Variants in CUX1 observed in about 807,000 individuals in gnomAD.
CUX1 encodes cut like homeobox 1.
A neutral mutation model predicts 158.8 loss-of-function variants in CUX1; 31 were observed. The ratio of observed to expected loss-of-function variants is 0.20; its 90% CI spans 0.15 to 0.26. The LOEUF is 0.26. Among genes scored for constraint, CUX1 ranks in the 10% least tolerant of loss-of-function variants. CUX1 has a pLI of 1.00. For synonymous variants in CUX1, 879 were observed against 862.1 expected, an observed-to-expected ratio of 1.02 and a Z score of -0.34; for missense variants, 1,589 against 2,014.6, an observed-to-expected ratio of 0.79 and a Z score of 4.04.
At chr7:102,085,664 G>A (rs1462628393) in intron 4 of CUX1, among the ~76,000 whole-genome samples, 2 of 152,180 alleles carry the variant, frequency 1.3e-5, no homozygotes. Context: ...ACCCAGTCTA[G>A]GGTATGTCTT....
At position 102,257,777 on chromosome 7, in the gene CUX1, GCAC is replaced by G; in HGVS notation, c.*8738_*8740del. On this transcript the variant is annotated 3_prime_UTR_variant, in exon 24 of 24. Coordinates refer to ENST00000292535, the MANE Select transcript of CUX1 (RefSeq NM_181552.4). ...AGCAGTATTTTATATTTTCTGTAACGCACCAAGTCTTAGATCTTTCTAGAGCTT... is the reference window on the plus strand; with the variant it reads ...AGCAGTATTTTATATTTTCTGTAACGCAAGTCTTAGATCTTTCTAGAGCTT... 1 of 983,154 alleles carries G rather than the reference GCAC, an allele frequency of 1.0e-6. No individual in the cohort carries two copies. Among genetic ancestry groups the G allele is most frequent in the Non-Finnish European group, 1.2e-6 (1 of 829,678 alleles). 60.9% of individuals were successfully genotyped at this position (983,154 alleles called of 1,614,324 possible). A position where few individuals can be genotyped will look rare whatever the true frequency, so the allele number is the denominator to read the frequency against.
chr7:102,046,856 C>A (rs1219152727), intron 3 of CUX1, among the ~76,000 whole-genome samples: 1 of 152,116 alleles, frequency 6.6e-6, no homozygotes, highest in Non-Finnish European at 1.5e-5. Context: ...GTTGGGATTA[C>A]AGGCATGAGC....
chr7:102,062,950 C>A (rs745926045), intron 3 of CUX1, among the ~76,000 whole-genome samples: 3 of 151,996 alleles, frequency 2.0e-5, no homozygotes, highest in Non-Finnish European at 1.5e-5. Flanking sequence ...ATTAAAAATA[C>A]GAAAATTAGC....
intron 14 of CUX1, among the ~76,000 whole-genome samples, chr7:102,265,472 C>G (rs11973435): frequency 0.03 from 4,623 of 152,096 alleles, 257 homozygotes; most frequent in African/African-American, 0.11. Flanking sequence ...GGGTCTCACT[C>G]TGTTGCCCAG....
upstream of CUX1, chr7:101,817,568 C>A (rs1744166001): frequency 2.0e-6 from 3 of 1,477,398 alleles, no homozygotes; most frequent in Non-Finnish European, 2.7e-6. This position sits in a 1 kb window ranked among gnomAD's most constrained non-coding sequence, Gnocchi z 4.1. Flanking sequence ...GCGGCGCACC[C>A]TTAGGGTCCG....
In CUX1 at chr7:102,202,402, C is replaced by T. The variant is rs149428330; in HGVS notation, c.2907+198C>T. ...GATCCCATTTGCCGAGCCCCGACTG[C>T]AGCCAGGTTCTAGGCTCAGCCTTTC... On this transcript the variant is annotated intron_variant, in intron 18 of 23. Transcript: ENST00000292535. Among the ~76,000 whole-genome samples the T allele has an allele frequency of 1.7e-3, 265 of 152,344 alleles. 1 individual carries two copies. The highest frequency in any genetic ancestry group is 5.8e-3 in the African/African-American group (242 of 41,584).
At chr7:102,278,628 T>TTAAAATAAAATAAAA (rs55743678) in intron 18 of CUX1, among the ~76,000 whole-genome samples, 2 of 101,668 alleles carry the variant, frequency 2.0e-5, no homozygotes, top group African/African-American at 3.7e-5. Context: ...TAAAATAAAA[T>TTAAAATAAAATAAAA]TAAAATAAAA....
chr7:101,974,408 G>A (rs1182948782), intron 2 of CUX1, among the ~76,000 whole-genome samples: 1 of 152,130 alleles, frequency 6.6e-6, no homozygotes, highest in Admixed American at 6.5e-5. Context: ...AAGTTCTTAT[G>A]AAATGTGAAG....
intron 1 of CUX1, among the ~76,000 whole-genome samples, chr7:101,820,180 G>GA (rs1264749763): frequency 1.3e-5 from 2 of 152,182 alleles, no homozygotes; most frequent in Non-Finnish European, 2.9e-5. Flanking sequence ...TCTTAGGAGA[G>GA]AACACAAGAC....
At chr7:102,271,597 CA>C (rs1198147663) in intron 14 of CUX1, among the ~76,000 whole-genome samples, 1 of 152,238 alleles carries the variant, frequency 6.6e-6, no homozygotes, top group Non-Finnish European at 1.5e-5. Flanking sequence ...GGGCCAGCCC[CA>C]ACCCTGCCCC....
Position 102,170,503 on chromosome 7 carries a change from A to C in CUX1, c.781A>C (p.Asn261His). ...CTTAAGGGAACAGCTCTCATCGGCC[A>C]ATCACTCCCTCCAGCTGGCCTCACA... ...ETLREQLSSA[N>H]HSLQLASQIQ... is the part of the protein sequence containing the mutation. The change falls in exon 10 of 24, where the codon AAT (asparagine) becomes CAT (histidine). Residue 261 changes from asparagine to histidine, a missense_variant. Asn to His is a moderately conservative substitution (Grantham distance 68, BLOSUM62 1). Around this residue, in one of 8 missense-constraint regions of CUX1, gnomAD observed 515 missense variants for 574.4 expected, o/e 0.90. Coordinates refer to ENST00000292535, the MANE Select transcript of CUX1 (RefSeq NM_181552.4). 1 of 1,593,110 alleles carries C rather than the reference A, an allele frequency of 6.3e-7. No individual in the cohort carries two copies. Among genetic ancestry groups the C allele is most frequent in the Non-Finnish European group, 8.6e-7 (1 of 1,169,422 alleles).
At position 102,195,563 on chromosome 7, in the gene CUX1, C is replaced by T. The variant is rs782107534; in HGVS notation, c.1182C>T (p.Ser394=). The part of the protein sequence containing the change: ...LLLEKNRSLQ[S]ENAALRISNS... ...TGGAGAAGAACCGCTCGCTGCAGTC[C>T]GAGAACGCCGCGCTGCGCATCTCCA... Residue 394 remains serine, a synonymous_variant, in exon 14 of 24, where the codon TCC becomes TCT. Coordinates refer to ENST00000292535, the MANE Select transcript of CUX1 (RefSeq NM_181552.4). The T allele has an allele frequency of 1.2e-6, 2 of 1,612,882 alleles. No individual in the cohort carries two copies. Among genetic ancestry groups the T allele is most frequent in the East Asian group, 2.2e-5 (1 of 44,866 alleles).
intron 1 of CUX1, among the ~76,000 whole-genome samples, chr7:101,911,270 T>C: frequency 6.6e-6 from 1 of 152,264 alleles, no homozygotes; most frequent in Non-Finnish European, 1.5e-5. Context: ...GGCCTTGGCC[T>C]TGGTCCTGCC....
At chr7:102,130,726 C>G (rs1302168037) in intron 8 of CUX1, among the ~76,000 whole-genome samples, 3 of 152,046 alleles carry the variant, frequency 2.0e-5, no homozygotes, top group African/African-American at 7.2e-5. Context: ...ATCCAAATAG[C>G]CTGAAGCACA....
intron 3 of CUX1, among the ~76,000 whole-genome samples, chr7:102,067,231 T>TC (rs1242487828): frequency 7.2e-6 from 1 of 138,706 alleles, no homozygotes; most frequent in East Asian, 2.1e-4. Flanking sequence ...TCATGTAACT[T>TC]TTTTTTTTTT....
intron 11 of CUX1, chr7:102,186,735 G>C (rs1449804119): frequency 2.6e-5 from 4 of 152,060 alleles, no homozygotes; most frequent in African/African-American, 9.7e-5. Context: ...TGTTCCATTA[G>C]AATCTTACGG....
intron 2 of CUX1, among the ~76,000 whole-genome samples, chr7:101,939,824 G>C (rs1028904834): frequency 6.6e-6 from 1 of 151,862 alleles, no homozygotes; most frequent in African/African-American, 2.4e-5. Flanking sequence ...GGGGCTGAGC[G>C]CGGTAGCTCA....
At chr7:102,199,301 C>A (rs1301921427) in intron 16 of CUX1, among the ~76,000 whole-genome samples, 2 of 152,174 alleles carry the variant, frequency 1.3e-5, no homozygotes, top group Non-Finnish European at 2.9e-5. Flanking sequence ...CACATCGTCC[C>A]GGTGGCATAC....
At chr7:102,228,854 T>TGG (rs1554529621) in intron 21 of CUX1, among the ~76,000 whole-genome samples, 1 of 152,152 alleles carries the variant, frequency 6.6e-6, no homozygotes, top group Non-Finnish European at 1.5e-5. Context: ...GCTCCAGAGC[T>TGG]GGGCAGCGTC....
Sources: allele counts gnomAD v4.1 joint callset (sites outside exome capture counted in the v4.1 genomes callset), GRCh38; gene constraint gnomAD v4.1.1; regional missense constraint gnomAD v4.1.1; non-coding constraint Gnocchi (gnomAD v3.1); transcripts MANE v1.5; gene names NCBI Gene and HGNC (gene_info 2026-07-23, HGNC 2026-07-21).